The following LAMA2 variants were observed in gnomAD, a reference collection of about 807,000 sequenced individuals.
The protein encoded by LAMA2 is laminin subunit alpha 2.
Under a neutral mutation model 364.8 loss-of-function variants are expected in LAMA2, and 269 were observed. The observed-to-expected ratio is 0.74, with a 90% confidence interval of 0.67 to 0.82. LAMA2 has a LOEUF of 0.82. Among genes scored for constraint, LAMA2 ranks in the 40% least tolerant of loss-of-function variants. The pLI is 0.00. For synonymous variants in LAMA2, 1,379 were observed against 1,370.6 expected, an observed-to-expected ratio of 1.01 and a Z score of -0.14; for missense variants, 3,807 against 3,873.2, an observed-to-expected ratio of 0.98 and a Z score of 0.45.
At chr6:128,920,283 G>C (rs1008445447) in intron 1 of LAMA2, among the ~76,000 whole-genome samples, 2 of 151,744 alleles carry the variant, frequency 1.3e-5, no homozygotes, top group Admixed American at 6.6e-5. Context: ...TCAGCCTCTA[G>C]AGTAGCTGGG....
intron 29 of LAMA2, among the ~76,000 whole-genome samples, chr6:129,336,076 T>C (rs1775941660): frequency 6.6e-6 from 1 of 152,198 alleles, no homozygotes; most frequent in African/African-American, 2.4e-5. Context: ...AGGAAACTGA[T>C]TGTCATCTCC....
chr6:129,249,728 TC>T (rs1469943578), intron 12 of LAMA2, among the ~76,000 whole-genome samples: 1 of 152,156 alleles, frequency 6.6e-6, no homozygotes, highest in Non-Finnish European at 1.5e-5. Flanking sequence ...TGAGTGACTT[TC>T]TGGTCAGATG....
chr6:128,932,505 ATGAT>A (rs1305375229), intron 1 of LAMA2, among the ~76,000 whole-genome samples: 1 of 152,186 alleles, frequency 6.6e-6, no homozygotes, highest in African/African-American at 2.4e-5. Flanking sequence ...AACAGAGCAA[ATGAT>A]TAAGTTCTAA....
intron 4 of LAMA2, among the ~76,000 whole-genome samples, chr6:129,140,078 A>G (rs1778030975): frequency 1.3e-5 from 2 of 152,166 alleles, no homozygotes; most frequent in South Asian, 4.1e-4. Flanking sequence ...ATAGCTCTTC[A>G]AGCTTTCCAA....
chr6:129,243,996 G>T (rs1332668430), intron 12 of LAMA2, among the ~76,000 whole-genome samples: 1 of 152,006 alleles, frequency 6.6e-6, no homozygotes, highest in East Asian at 1.9e-4. Context: ...AATGCAGGCA[G>T]GCAGGATGTT....
At chr6:129,236,428 G>A (rs1011388753) in intron 12 of LAMA2, among the ~76,000 whole-genome samples, 2 of 152,066 alleles carry the variant, frequency 1.3e-5, no homozygotes, top group Non-Finnish European at 2.9e-5. Context: ...TTTCTTCAAT[G>A]TCACCCTTCT....
chr6:129,123,305 CAAA>C (rs964224907), intron 4 of LAMA2, among the ~76,000 whole-genome samples: 3 of 97,030 alleles, frequency 3.1e-5, no homozygotes, highest in Non-Finnish European at 2.2e-5. Flanking sequence ...GACTCTGTCT[CAAA>C]AAAAAAAAAA....
At chr6:129,020,613 T>G (rs985039456) in intron 1 of LAMA2, among the ~76,000 whole-genome samples, 2 of 152,180 alleles carry the variant, frequency 1.3e-5, no homozygotes, top group Non-Finnish European at 2.9e-5. Flanking sequence ...GTAGCAATCC[T>G]CAGAAGAACA....
chr6:129,101,112 G>A (rs1775493932), intron 4 of LAMA2, among the ~76,000 whole-genome samples: 1 of 152,166 alleles, frequency 6.6e-6, no homozygotes, highest in South Asian at 2.1e-4. Context: ...AGTCAAATAA[G>A]AGAAACAAAC....
intron 3 of LAMA2, among the ~76,000 whole-genome samples, chr6:129,087,260 T>C (rs945533952): frequency 1.3e-5 from 2 of 152,226 alleles, no homozygotes; most frequent in African/African-American, 4.8e-5. Context: ...TTAGAGTTCT[T>C]GTTAGCAGAA....
intron 34 of LAMA2, among the ~76,000 whole-genome samples, chr6:129,381,640 C>CCTAG (rs1229476599): frequency 6.6e-6 from 1 of 151,970 alleles, no homozygotes; most frequent in African/African-American, 2.4e-5. Flanking sequence ...ATTTGAGTAA[C>CCTAG]CTAGGGACTG....
At chr6:129,460,644 T>C (rs1423983043) in intron 49 of LAMA2, among the ~76,000 whole-genome samples, 4 of 152,068 alleles carry the variant, frequency 2.6e-5, no homozygotes, top group Non-Finnish European at 5.9e-5. Context: ...GGGGTTTTTT[T>C]GTGTCTGTGA....
At chr6:129,396,146 G>GATATCAC (rs1779604075) in intron 37 of LAMA2, among the ~76,000 whole-genome samples, 1 of 152,116 alleles carries the variant, frequency 6.6e-6, no homozygotes, top group Non-Finnish European at 1.5e-5. Context: ...GTGATATTAG[G>GATATCAC]CTAGAAAAGT....
intron 1 of LAMA2, among the ~76,000 whole-genome samples, chr6:128,981,424 CA>C (rs1220016493): frequency 6.6e-6 from 1 of 151,950 alleles, no homozygotes; most frequent in Non-Finnish European, 1.5e-5. Flanking sequence ...CTCTTTCACA[CA>C]TCATTTGAAC....
chr6:128,982,903 T>A lies in LAMA2; in HGVS notation c.113-67015T>A, dbSNP rs1345282088. 2.0e-5 allele frequency among the ~76,000 whole-genome samples: 3 copies of A among 150,590 alleles called. No homozygotes were observed. The Admixed American group carries it at 2.0e-4, about 10-fold the overall frequency. ...TGTGATAGTTTACTGAGAATGATGATTTCCAGTATCGTCCATGTCCCTACA... is the reference window on the plus strand; with the variant it reads ...TGTGATAGTTTACTGAGAATGATGAATTCCAGTATCGTCCATGTCCCTACA... On this transcript the variant is annotated intron_variant, in intron 1 of 64. Transcript: ENST00000421865.
In LAMA2 at chr6:129,192,946, C is replaced by G. The variant is rs978674510; in HGVS notation, c.1782+93C>G. The G allele has an allele frequency of 4.8e-6, 6 of 1,239,820 alleles. No homozygotes were observed. The African/African-American group carries it at 7.4e-5, about 15-fold the overall frequency. 76.8% of individuals were successfully genotyped at this position (1,239,820 alleles called of 1,614,324 possible). A position where few individuals can be genotyped will look rare whatever the true frequency, so the allele number is the denominator to read the frequency against. ...TAATTCTTTTAAAGAAAGACAAAAT[C>G]AAATACACACTGAATTGGATTGCCA... On this transcript the variant is annotated intron_variant, in intron 12 of 64. Coordinates refer to ENST00000421865, the MANE Select transcript of LAMA2 (RefSeq NM_000426.4).
rs2114810100 is a variant in LAMA2, at chr6:129,465,307, T to C, written c.7300+18T>C. On this transcript the variant is annotated intron_variant, in intron 51 of 64. Coordinates refer to ENST00000421865, the MANE Select transcript of LAMA2 (RefSeq NM_000426.4). ...AAAACAAGGTGAGTTTTTACAGTAA[T>C]AATGCAATATAGGCCTTAATCATGA... 6.3e-7 allele frequency: 1 copy of C among 1,586,552 alleles called. No individual in the cohort carries two copies. The highest frequency in any genetic ancestry group is 1.3e-5 in the African/African-American group (1 of 74,324).
intron 43 of LAMA2, 70 bp downstream of exon 43, chr6:129,441,068 A>G: frequency 5.1e-6 from 7 of 1,368,354 alleles, no homozygotes; most frequent in Non-Finnish European, 7.3e-6. Context: ...CCAGACCTGT[A>G]AATGCTCGAG....
intron 3 of LAMA2, among the ~76,000 whole-genome samples, chr6:129,064,965 A>G (rs564778064): frequency 6.6e-6 from 1 of 152,344 alleles, no homozygotes; most frequent in East Asian, 1.9e-4. Context: ...AGAAAAGTAC[A>G]TTACAGATCA....
Sources: gnomAD v4.1 joint callset for allele counts (sites outside exome capture counted in the v4.1 genomes callset) on GRCh38, gnomAD v4.1.1 for gene constraint, MANE v1.5 for transcripts, NCBI Gene and HGNC (gene_info 2026-07-23, HGNC 2026-07-21) for gene names.